The following COL24A1 variants were observed in gnomAD, a reference collection of about 807,000 sequenced individuals.
COL24A1 encodes the protein collagen alpha-1(XXIV) chain.
In COL24A1, 224 loss-of-function variants were observed where a neutral mutation model predicts 253.9. That is an observed-to-expected ratio of 0.88 (90% CI 0.79 to 0.99). COL24A1 has a LOEUF of 0.99. Among genes scored for constraint, COL24A1 ranks in the 50% least tolerant of loss-of-function variants. The pLI, the probability that COL24A1 is intolerant of heterozygous loss-of-function variation, is 0.00. For synonymous variants in COL24A1, 685 were observed against 673.7 expected, an observed-to-expected ratio of 1.02 and a Z score of -0.26; for missense variants, 2,131 against 2,068.5, an observed-to-expected ratio of 1.03 and a Z score of -0.59.
rs190039490 is a variant in COL24A1, at chr1:85,815,371, T to C, written c.3951+1417A>G. On this transcript the variant is annotated intron_variant, in intron 47 of 59. Transcript: ENST00000370571. ...GACTGGGATCTCAAATGAGTCTCTTTTAACCAGACTGATACTACTAGCAAA... is the reference window on the plus strand; with the variant it reads ...GACTGGGATCTCAAATGAGTCTCTTCTAACCAGACTGATACTACTAGCAAA... Among the ~76,000 whole-genome samples the C allele has an allele frequency of 1.6e-3, 241 of 152,308 alleles. 1 individual carries two copies. The highest frequency in any genetic ancestry group is 5.7e-3 in the African/African-American group (235 of 41,568).
At position 85,965,054 on chromosome 1, in the gene COL24A1, T is replaced by A; in HGVS notation, c.2472A>T (p.Pro824=). Residue 824 remains proline, a synonymous_variant, in exon 23 of 60, where the codon CCA becomes CCT. Coordinates refer to ENST00000370571, the MANE Select transcript of COL24A1 (RefSeq NM_152890.7). The part of the protein sequence containing the change: ...AFGELGPRGK[P]GQKGYAGEPG... ...GTTCACCTGCATACCCCTTTTGACC[T>A]GGTTTTCCCTAGAAGAGAACAGCAT... 1 of 1,610,408 alleles carries A rather than the reference T, an allele frequency of 6.2e-7. No individual in the cohort carries two copies. Among genetic ancestry groups the A allele is most frequent in the Admixed American group, 1.7e-5 (1 of 59,826 alleles).
chr1:86,067,721 C>T (rs1193363966), intron 7 of COL24A1, among the ~76,000 whole-genome samples: 3 of 151,920 alleles, frequency 2.0e-5, no homozygotes, highest in Non-Finnish European at 2.9e-5. Context: ...TCCCATATGC[C>T]TCATTTATTT....
intron 6 of COL24A1, among the ~76,000 whole-genome samples, chr1:86,090,182 G>A (rs1044213690): frequency 6.6e-6 from 1 of 152,168 alleles, no homozygotes; most frequent in African/African-American, 2.4e-5. Flanking sequence ...TACTCTGATA[G>A]AAGGAAGATA....
chr1:85,937,139 A>G (rs1399861934), intron 24 of COL24A1, among the ~76,000 whole-genome samples: 2 of 147,518 alleles, frequency 1.4e-5, no homozygotes, highest in Non-Finnish European at 3.0e-5. Flanking sequence ...GAAAGCCCAA[A>G]CTTGGTTTAT....
intron 47 of COL24A1, among the ~76,000 whole-genome samples, chr1:85,804,117 A>G (rs1671713099): frequency 6.6e-6 from 1 of 152,224 alleles, no homozygotes; most frequent in Admixed American, 6.5e-5. Context: ...ACTATTTAAA[A>G]AGGAGTCTAG....
At chr1:85,926,490 A>G (rs541751179) in intron 24 of COL24A1, among the ~76,000 whole-genome samples, 2 of 152,210 alleles carry the variant, frequency 1.3e-5, no homozygotes, top group Admixed American at 6.5e-5. Flanking sequence ...ATGCAGCCAT[A>G]AAAAGGGTGA....
intron 23 of COL24A1, among the ~76,000 whole-genome samples, chr1:85,963,728 T>A (rs548468484): frequency 3.9e-5 from 6 of 152,270 alleles, no homozygotes; most frequent in Non-Finnish European, 8.8e-5. Context: ...CTGTGTTTAC[T>A]AGGTAACACA....
Position 85,961,199 on chromosome 1 carries a change from C to T in COL24A1, c.2562+50G>A, listed in dbSNP as rs376826908. Reference sequence around the variant, plus strand: ...AACGTAATCATGGCTAATATGATTCCTAAAAATGCTTACAGCTGATTAAAA... The same window carrying T: ...AACGTAATCATGGCTAATATGATTCTTAAAAATGCTTACAGCTGATTAAAA... On this transcript the variant is annotated intron_variant, in intron 24 of 59. Transcript: ENST00000370571. The T allele has an allele frequency of 1.3e-4, 179 of 1,361,606 alleles. 2 individuals carry two copies. In the African/African-American group the frequency reaches 2.0e-3, roughly 15 times the overall value. The allele number at this position is 1,361,606 out of a possible 1,614,324, so 84.3% of individuals were successfully genotyped here. A position where few individuals can be genotyped will look rare whatever the true frequency, so the allele number is the denominator to read the frequency against.
At chr1:85,792,309 A>T (rs1670353628) in intron 47 of COL24A1, among the ~76,000 whole-genome samples, 1 of 152,008 alleles carries the variant, frequency 6.6e-6, no homozygotes, top group Non-Finnish European at 1.5e-5. Context: ...TCATCTATGC[A>T]TAAGGAAGCT....
At chr1:85,869,431 T>TA (rs1429041113) in intron 35 of COL24A1, among the ~76,000 whole-genome samples, 3 of 152,144 alleles carry the variant, frequency 2.0e-5, no homozygotes, top group African/African-American at 7.2e-5. Flanking sequence ...GAAAAAATGT[T>TA]AAGGGCAGCC....
At chr1:85,983,603 C>T (rs751975268) in intron 20 of COL24A1, among the ~76,000 whole-genome samples, 20 of 151,850 alleles carry the variant, frequency 1.3e-4, no homozygotes, top group Non-Finnish European at 2.8e-4. Context: ...CATTGTATAG[C>T]CTCAACAGAG....
chr1:86,124,751 G>A (rs1435710094), intron 3 of COL24A1, 94 bp downstream of exon 3: 1 of 933,992 alleles, frequency 1.1e-6, no homozygotes, highest in African/African-American at 1.7e-5. Context: ...GTTATGTATT[G>A]TTTGGTCCAG....
At chr1:85,772,561 T>C (rs1017244018) in intron 53 of COL24A1, among the ~76,000 whole-genome samples, 2 of 152,088 alleles carry the variant, frequency 1.3e-5, no homozygotes, top group African/African-American at 4.8e-5. Context: ...TGATCGCCAT[T>C]CTAACTGGTG....
At chr1:86,116,996 T>C (rs1507292) in intron 3 of COL24A1, among the ~76,000 whole-genome samples, 115,372 of 152,052 alleles carry the variant, frequency 0.76, 43,767 homozygotes, top group Middle Eastern at 0.86. Flanking sequence ...CCTGTTGTTA[T>C]AATTAAAAAT....
rs77834936 is a variant in COL24A1, at chr1:86,049,289, G to T, written c.1905+835C>A. Among the ~76,000 whole-genome samples the T allele has an allele frequency of 5.1e-3, 769 of 152,238 alleles. 7 individuals are homozygous for T. Among genetic ancestry groups the T allele is most frequent in the Non-Finnish European group, 6.5e-3 (442 of 68,012 alleles). On this transcript the variant is annotated intron_variant, in intron 11 of 59. Transcript: ENST00000370571. ...TTCTTCTCTGCAGGGGCATTCACAA[G>T]TAATTACAAGAAAATATAATTTAAC... is the stretch of plus-strand genomic sequence containing the variant.
rs1697066237 is a variant in COL24A1 at position 86,017,140 on chromosome 1, C to T, written c.2310+11G>A. 3 of 1,593,588 alleles carry T rather than the reference C, an allele frequency of 1.9e-6. No individual in the cohort carries two copies. In the Admixed American group the frequency reaches 5.3e-5, roughly 28 times the overall value. Reference sequence around the variant, plus strand: ...TGTTTCAAATTTATTAACTTTCCACCAATATTTTACCTCTGGTCCTGGAGG... The same window carrying T: ...TGTTTCAAATTTATTAACTTTCCACTAATATTTTACCTCTGGTCCTGGAGG... On this transcript the variant is annotated intron_variant, in intron 19 of 59. Transcript: ENST00000370571.
intron 53 of COL24A1, among the ~76,000 whole-genome samples, chr1:85,765,895 C>G (rs1667318827): frequency 6.6e-6 from 1 of 152,118 alleles, no homozygotes; most frequent in Non-Finnish European, 1.5e-5. Context: ...CTGAAATTTA[C>G]TCAGTTGTGT....
At chr1:85,890,194 C>A (rs368538627) in intron 31 of COL24A1, among the ~76,000 whole-genome samples, 1 of 152,080 alleles carries the variant, frequency 6.6e-6, no homozygotes, top group Non-Finnish European at 1.5e-5. Context: ...GTGAATAATG[C>A]GGCTATTAAC....
intron 48 of COL24A1, 22 bp downstream of exon 48, chr1:85,786,332 T>C (rs929159507): frequency 1.9e-6 from 3 of 1,608,456 alleles, no homozygotes; most frequent in East Asian, 2.2e-5. Context: ...TGCTTACCCA[T>C]TGGAACAAAA....
Sources: gnomAD v4.1 joint callset for allele counts (sites outside exome capture counted in the v4.1 genomes callset) on GRCh38, gnomAD v4.1.1 for gene constraint, MANE v1.5 for transcripts, NCBI Gene and HGNC (gene_info 2026-07-23, HGNC 2026-07-21) for gene names.